The following LRP1 variants were observed in gnomAD, a reference collection of about 807,000 sequenced individuals.
LRP1 encodes the protein prolow-density lipoprotein receptor-related protein 1.
A neutral mutation model predicts 541.5 loss-of-function variants in LRP1; 51 were observed. The ratio of observed to expected loss-of-function variants is 0.09; its 90% CI spans 0.08 to 0.12. The LOEUF is 0.12. Ranked by LOEUF, LRP1 falls within the 10% of genes least tolerant of loss-of-function variation. LRP1 has a pLI of 1.00. For missense variants in LRP1, 3,878 were observed against 6,376.2 expected (o/e 0.61, Z 13.34); for synonymous variants, 2,219 against 2,470.8 (o/e 0.90, Z 3.02).
Position 57,211,277 on chromosome 12 carries a change from G to C in LRP1, c.13018G>C (p.Glu4340Gln). Residue 4340 changes from glutamate (E) to glutamine (Q), a missense_variant, in exon 84 of 89, where the codon GAG (glutamate) becomes CAG (glutamine). Physicochemically the swap from Glu to Gln is conservative, Grantham distance 29 (BLOSUM62 2). Transcript: ENST00000243077. This position sits in a 1 kb window ranked among gnomAD's most constrained non-coding sequence, Gnocchi z 4.3. ...TGCCTACTTTGAGGGATCGAGGTGTGAGGTGAACAAGTGCAGCCGCTGTCT... is the reference window on the plus strand; with the variant it reads ...TGCCTACTTTGAGGGATCGAGGTGTCAGGTGAACAAGTGCAGCCGCTGTCT... ...CTAYFEGSRCEVNKCSRCLEG... is the reference protein window; with the variant it reads ...CTAYFEGSRCQVNKCSRCLEG... The C allele has an allele frequency of 6.2e-7, 1 of 1,614,222 alleles. No homozygotes were observed. The highest frequency in any genetic ancestry group is 8.5e-7 in the Non-Finnish European group (1 of 1,180,042).
chr12:57,199,470 A>G lies in LRP1; in HGVS notation c.9865+70A>G, dbSNP rs149589109. On this transcript the variant is annotated intron_variant, in intron 61 of 88. Coordinates refer to ENST00000243077, the MANE Select transcript of LRP1 (RefSeq NM_002332.3). ...CCGGGGTCCCTGGGAGTTCCTGCTCATCCCTTCTCTAGCATTGACCAAGCC... is the reference window on the plus strand; with the variant it reads ...CCGGGGTCCCTGGGAGTTCCTGCTCGTCCCTTCTCTAGCATTGACCAAGCC... 410 of 1,511,506 alleles carry G rather than the reference A, an allele frequency of 2.7e-4. 6 individuals carry two copies. In the African/African-American group the frequency reaches 4.6e-3, roughly 17 times the overall value. The allele number at this position is 1,511,506 out of a possible 1,614,324, so 93.6% of individuals were successfully genotyped here. A position where few individuals can be genotyped will look rare whatever the true frequency, so the allele number is the denominator to read the frequency against.
At chr12:57,149,968 G>T in intron 6 of LRP1, 1 of 548,776 alleles carries the variant, frequency 1.8e-6, no homozygotes. Context: ...AGAGAGGCAG[G>T]ATCCTGGCAG....
At position 57,173,667 on chromosome 12, in the gene LRP1, C is replaced by A; in HGVS notation, c.3347-113C>A. On this transcript the variant is annotated intron_variant, in intron 21 of 88. Coordinates refer to ENST00000243077, the MANE Select transcript of LRP1 (RefSeq NM_002332.3). The surrounding 1 kb of genome is among the most constrained non-coding windows in gnomAD (Gnocchi z 4.7). Reference sequence around the variant, plus strand: ...AAAAAGCCTCGGGGTTCCTCGTGGACCCCACAGCGTTGCAATCCTGACCCT... The same window carrying A: ...AAAAAGCCTCGGGGTTCCTCGTGGAACCCACAGCGTTGCAATCCTGACCCT... The A allele has an allele frequency of 8.8e-7, 1 of 1,138,508 alleles. No homozygotes were observed. Among genetic ancestry groups the A allele is most frequent in the Non-Finnish European group, 1.3e-6 (1 of 767,448 alleles). The allele number at this position is 1,138,508 out of a possible 1,614,324, so 70.5% of individuals were successfully genotyped here.
intron 1 of LRP1, 37 bp from the exon 2 acceptor site, chr12:57,138,422 T>A (rs1425400943): frequency 1.2e-6 from 2 of 1,608,728 alleles, no homozygotes; most frequent in Non-Finnish European, 1.7e-6. Flanking sequence ...TTGGCCTCCA[T>A]CCTTCATTTA....
At position 57,205,750 on chromosome 12, in the gene LRP1, G is replaced by A; in HGVS notation, c.11590+73G>A. On this transcript the variant is annotated intron_variant, in intron 75 of 88. Coordinates refer to ENST00000243077, the MANE Select transcript of LRP1 (RefSeq NM_002332.3). The surrounding 1 kb of genome is among the most constrained non-coding windows in gnomAD (Gnocchi z 4.6). ...CAGGATATCAAACGGGGCCGACTTG[G>A]AATGGAATGTCTTCCTGCGGACATC... 1 of 1,578,890 alleles carries A rather than the reference G, an allele frequency of 6.3e-7. No individual in the cohort carries two copies.
At chr12:57,180,230 C>T in intron 31 of LRP1, 89 bp downstream of exon 31, 1 of 1,576,344 alleles carries the variant, frequency 6.3e-7, no homozygotes, top group Non-Finnish European at 8.7e-7. Flanking sequence ...CCCTCAGCCT[C>T]CCCAGAGCCC....
intron 43 of LRP1, 87 bp from the exon 44 acceptor site, chr12:57,191,233 G>A (rs2036372199): frequency 4.4e-6 from 6 of 1,355,378 alleles, no homozygotes; most frequent in Non-Finnish European, 6.1e-6. Flanking sequence ...TTCTGTAGCT[G>A]TCAGAGGCCA....
At chr12:57,161,174 C>T (rs558894007) in intron 13 of LRP1, 59 bp downstream of exon 13, 41 of 1,538,846 alleles carry the variant, frequency 2.7e-5, no homozygotes, top group Admixed American at 5.1e-5. Context: ...CATGCTTGGG[C>T]GTGGATGAGG....
chr12:57,188,017 A>G (rs2036302272), intron 42 of LRP1, among the ~76,000 whole-genome samples: 1 of 152,212 alleles, frequency 6.6e-6, no homozygotes, highest in Non-Finnish European at 1.5e-5. Flanking sequence ...AAGCCTGAAG[A>G]AAGGCAAATT....
In LRP1 at chr12:57,210,635, C is replaced by G; in HGVS notation, c.12755-83C>G. The G allele has an allele frequency of 2.0e-6, 3 of 1,508,322 alleles. No individual in the cohort carries two copies. The South Asian group carries it at 3.7e-5, about 19-fold the overall frequency. 93.4% of individuals were successfully genotyped at this position (1,508,322 alleles called of 1,614,324 possible). ...GTCACTCCAGTCTCTGCTTCTCGCCCAGGTCCCCCCAGCCCATTCCTCTGC... is the reference window on the plus strand; with the variant it reads ...GTCACTCCAGTCTCTGCTTCTCGCCGAGGTCCCCCCAGCCCATTCCTCTGC... On this transcript the variant is annotated intron_variant, in intron 82 of 88. Coordinates refer to ENST00000243077, the MANE Select transcript of LRP1 (RefSeq NM_002332.3).
chr12:57,132,676 T>C (rs2035062042), intron 1 of LRP1, among the ~76,000 whole-genome samples: 1 of 152,204 alleles, frequency 6.6e-6, no homozygotes, highest in African/African-American at 2.4e-5. Context: ...AGAACCTCTC[T>C]GTCTCTCACC....
At chr12:57,146,371 G>T (rs948640978) in intron 6 of LRP1, 1 of 152,180 alleles carries the variant, frequency 6.6e-6, no homozygotes, top group African/African-American at 2.4e-5. Context: ...CTCTGCCTTG[G>T]TTTCCTAATC....
chr12:57,174,827 G>A (rs1298477684), intron 22 of LRP1, among the ~76,000 whole-genome samples: 2 of 152,126 alleles, frequency 1.3e-5, no homozygotes, highest in African/African-American at 4.8e-5. Context: ...TGAGGTTGGG[G>A]GAGTCCAGGA....
Position 57,128,867 on chromosome 12 carries a change from G to C in LRP1, c.-98G>C. 4 of 1,010,198 alleles carry C rather than the reference G, an allele frequency of 4.0e-6. No individual in the cohort carries two copies. Among genetic ancestry groups the C allele is most frequent in the Non-Finnish European group, 5.9e-6 (4 of 683,364 alleles). 62.6% of individuals were successfully genotyped at this position (1,010,198 alleles called of 1,614,324 possible). A position where few individuals can be genotyped will look rare whatever the true frequency, so the allele number is the denominator to read the frequency against. ...GAATAAGAACAGAGAAGGAGGAGGG[G>C]GAAAGGAGGAAAAGGGGGACCCCCC... On this transcript the variant is annotated 5_prime_UTR_variant, in exon 1 of 89. Transcript: ENST00000243077.
intron 24 of LRP1, 134 bp downstream of exon 24, chr12:57,176,240 A>G (rs2036044290): frequency 1.2e-6 from 1 of 824,206 alleles, no homozygotes; most frequent in East Asian, 2.6e-5. Context: ...TCATTGGGTT[A>G]GATTTTGCTG....
In LRP1 at chr12:57,177,028, C is replaced by G. The variant is rs1453333307; in HGVS notation, c.3992-13C>G. Reference sequence around the variant, plus strand: ...CAGGAGACGCTAACCTTTCACTGCCCTCTCTTCTCCAGCCCTGACTAGTTT... The same window carrying G: ...CAGGAGACGCTAACCTTTCACTGCCGTCTCTTCTCCAGCCCTGACTAGTTT... On this transcript the variant is annotated splice_polypyrimidine_tract_variant and intron_variant, in intron 24 of 88. Transcript: ENST00000243077. This position sits in a 1 kb window ranked among gnomAD's most constrained non-coding sequence, Gnocchi z 6.8. The G allele has an allele frequency of 6.2e-7, 1 of 1,611,862 alleles. No homozygotes were observed. Among genetic ancestry groups the G allele is most frequent in the East Asian group, 2.2e-5 (1 of 44,890 alleles).
intron 17 of LRP1, among the ~76,000 whole-genome samples, chr12:57,166,720 G>A (rs1024905985): frequency 6.6e-6 from 1 of 152,186 alleles, no homozygotes; most frequent in Non-Finnish European, 1.5e-5. Context: ...ACAAGGCAGG[G>A]TAGATCTCCT....
chr12:57,162,922 G>T lies in LRP1; in HGVS notation c.2469G>T (p.Gly823=). 1 of 1,609,180 alleles carries T rather than the reference G, an allele frequency of 6.2e-7. No homozygotes were observed. Among genetic ancestry groups the T allele is most frequent in the Non-Finnish European group, 8.5e-7 (1 of 1,178,978 alleles). Residue 823 remains glycine (G), a synonymous_variant, in exon 15 of 89, where the codon GGG becomes GGT. Transcript: ENST00000243077. This position sits in a 1 kb window ranked among gnomAD's most constrained non-coding sequence, Gnocchi z 5.2. ...GCAGCCTGTGCTTGGCCACCCCTGG[G>T]AGCCGCCAGTGCGCCTGTGCTGAGG... ...GCSSLCLATP[G]SRQCACAEDQ... is the part of the protein sequence containing the mutation.
chr12:57,194,259 T>G (rs1463442888), intron 48 of LRP1, 95 bp from the exon 49 acceptor site: 7 of 1,395,632 alleles, frequency 5.0e-6, no homozygotes, highest in African/African-American at 1.4e-5. Flanking sequence ...GTTCAACTTT[T>G]GGAAACACAT....
Sources: gnomAD v4.1 joint callset for allele counts (sites outside exome capture counted in the v4.1 genomes callset) on GRCh38, gnomAD v4.1.1 for gene constraint, Gnocchi (gnomAD v3.1) non-coding constraint, MANE v1.5 for transcripts, NCBI Gene and HGNC (gene_info 2026-07-23, HGNC 2026-07-21) for gene names.